WDR17: variants seen among roughly 807,000 people sequenced by gnomAD.
The protein encoded by WDR17 is WD repeat domain 17.
WDR17 carries 143 observed loss-of-function variants against 161.7 expected under a neutral mutation model. The ratio of observed to expected loss-of-function variants is 0.88; its 90% CI spans 0.77 to 1.02. The LOEUF (loss-of-function observed/expected upper bound fraction) is 1.02. WDR17 is among the 50% of genes least tolerant of loss of function. The pLI, the probability that WDR17 is intolerant of heterozygous loss-of-function variation, is 0.00. For missense variants in WDR17, 1,469 were observed against 1,520.9 expected, an observed-to-expected ratio of 0.97 and a Z score of 0.57; for synonymous variants, 517 against 515.6, an observed-to-expected ratio of 1.00 and a Z score of -0.04.
intron 23 of WDR17, 37 bp downstream of exon 23, chr4:176,168,820 C>G (rs200683867): frequency 6.3e-7 from 1 of 1,591,984 alleles, no homozygotes; most frequent in Admixed American, 1.7e-5. Flanking sequence ...GTTTGGAATG[C>G]AGTGCTATGA....
At chr4:176,071,493 T>C (rs1733242369) in intron 1 of WDR17, among the ~76,000 whole-genome samples, 2 of 152,140 alleles carry the variant, frequency 1.3e-5, no homozygotes, top group African/African-American at 4.8e-5. Flanking sequence ...CAGCTAACTT[T>C]TTTATTTTTA....
At chr4:176,084,301 T>C (rs1336530677) in intron 1 of WDR17, among the ~76,000 whole-genome samples, 1 of 152,128 alleles carries the variant, frequency 6.6e-6, no homozygotes, top group East Asian at 1.9e-4. Context: ...GAAGGGGAAC[T>C]GGTGTGTGCA....
Position 176,114,717 on chromosome 4 carries a change from G to A in WDR17, c.124-1079G>A, listed in dbSNP as rs139700025. ...TGCTCTACAGAGGCTGAAAAAACAGGTATAATAAGATAGAGTCATGGGATA... is the reference window on the plus strand; with the variant it reads ...TGCTCTACAGAGGCTGAAAAAACAGATATAATAAGATAGAGTCATGGGATA... On this transcript the variant is annotated intron_variant, in intron 2 of 28. Transcript: ENST00000508596. Among the ~76,000 whole-genome samples, 3 of 151,712 alleles carry A rather than the reference G, an allele frequency of 2.0e-5. No homozygotes were observed. The South Asian group carries it at 6.2e-4, about 31-fold the overall frequency.
chr4:176,082,589 A>G (rs1004249632), intron 1 of WDR17, among the ~76,000 whole-genome samples: 1 of 152,044 alleles, frequency 6.6e-6, no homozygotes, highest in Non-Finnish European at 1.5e-5. Flanking sequence ...GATCCAAGAT[A>G]TTTGCTAATG....
At chr4:176,162,821 TA>T (rs1749230519) in intron 21 of WDR17, among the ~76,000 whole-genome samples, 1 of 152,158 alleles carries the variant, frequency 6.6e-6, no homozygotes, top group African/African-American at 2.4e-5. Context: ...AAGAAGCTCT[TA>T]AAAATTTACA....
intron 1 of WDR17, among the ~76,000 whole-genome samples, chr4:176,086,884 T>C (rs1579010330): frequency 6.6e-6 from 1 of 151,962 alleles, no homozygotes; most frequent in Non-Finnish European, 1.5e-5. Context: ...AACTTGCTGA[T>C]AGTATGTTTA....
chr4:176,094,574 A>T (rs147691968), intron 1 of WDR17, among the ~76,000 whole-genome samples: 1 of 152,242 alleles, frequency 6.6e-6, no homozygotes, highest in Non-Finnish European at 1.5e-5. Flanking sequence ...CCTTGAAAAC[A>T]TAGAAGGACA....
At chr4:176,133,806 C>A (rs1428561619) in intron 7 of WDR17, among the ~76,000 whole-genome samples, 2 of 151,402 alleles carry the variant, frequency 1.3e-5, no homozygotes, top group Non-Finnish European at 3.0e-5. Context: ...AATAAACATT[C>A]TAAAAGGTGT....
At chr4:176,173,454 A>G (rs1294498253) in intron 25 of WDR17, 85 bp downstream of exon 25, 2 of 813,840 alleles carry the variant, frequency 2.5e-6, no homozygotes, top group Non-Finnish European at 4.0e-6. Flanking sequence ...TCAGATCGGG[A>G]AATAGGATTA....
intron 1 of WDR17, among the ~76,000 whole-genome samples, chr4:176,066,446 G>C (rs1317722733): frequency 6.6e-6 from 1 of 152,142 alleles, no homozygotes; most frequent in Non-Finnish European, 1.5e-5. Flanking sequence ...CTTCTGTATA[G>C]ATCATTTACC....
chr4:176,155,545 G>GTTTTTTTTTTTTTTTTTTTTTTTT (rs869207103), intron 17 of WDR17, among the ~76,000 whole-genome samples: 1 of 105,246 alleles, frequency 9.5e-6, no homozygotes, highest in Non-Finnish European at 1.9e-5. Context: ...ATTTGTTTGT[G>GTTTTTTTTTTTTTTTTTTTTTTTT]TTTTTTTTTT....
intron 3 of WDR17, among the ~76,000 whole-genome samples, chr4:176,119,264 G>A (rs1741159980): frequency 6.6e-6 from 1 of 152,176 alleles, no homozygotes; most frequent in South Asian, 2.1e-4. Context: ...TAAGTGGTCA[G>A]CTATTTTTAT....
In WDR17 at chr4:176,180,893, G is replaced by C. The variant is rs1299624607; in HGVS notation, c.*1314G>C. 1.3e-5 allele frequency: 2 copies of C among 152,142 alleles called. No homozygotes were observed. Among genetic ancestry groups the C allele is most frequent in the East Asian group, 3.8e-4 (2 of 5,200 alleles). The allele number at this position is 152,142 out of a possible 1,614,324, so 9.4% of individuals were successfully genotyped here. On this transcript the variant is annotated 3_prime_UTR_variant, in exon 29 of 29. Coordinates refer to ENST00000508596, the MANE Select transcript of WDR17 (RefSeq NM_181265.4). ...GACTACAGATATTTCAGTTGGACTAGAATTCTGACTTTGAAACTTATTAAA... is the reference window on the plus strand; with the variant it reads ...GACTACAGATATTTCAGTTGGACTACAATTCTGACTTTGAAACTTATTAAA...
chr4:176,073,475 G>A (rs1349762433), intron 1 of WDR17, among the ~76,000 whole-genome samples: 1 of 151,504 alleles, frequency 6.6e-6, no homozygotes, highest in South Asian at 2.1e-4. Context: ...TGGTGTATAT[G>A]TGCCACATTT....
At chr4:176,071,325 T>A (rs1733206875) in intron 1 of WDR17, among the ~76,000 whole-genome samples, 1 of 106,324 alleles carries the variant, frequency 9.4e-6, no homozygotes, top group African/African-American at 2.8e-5. Context: ...TCTTTTTTCT[T>A]TTCTCTTTTT....
chr4:176,115,548 CA>C (rs1436140353), intron 2 of WDR17, among the ~76,000 whole-genome samples: 1 of 151,462 alleles, frequency 6.6e-6, no homozygotes, highest in Non-Finnish European at 1.5e-5. Flanking sequence ...AAATGTGAAA[CA>C]TTTATTTTTA....
chr4:176,126,566 A>G (rs972429659), intron 5 of WDR17, among the ~76,000 whole-genome samples: 2 of 152,172 alleles, frequency 1.3e-5, no homozygotes, highest in Admixed American at 6.5e-5. Context: ...ATGTTAGGGG[A>G]AAAAAATTCC....
chr4:176,115,133 A>G (rs1579087251), intron 2 of WDR17, among the ~76,000 whole-genome samples: 1 of 152,078 alleles, frequency 6.6e-6, no homozygotes, highest in Non-Finnish European at 1.5e-5. Flanking sequence ...AAGGCTCATT[A>G]TATGCTAAAG....
intron 15 of WDR17, 122 bp downstream of exon 15, chr4:176,150,295 C>G (rs1363754863): frequency 6.8e-7 from 1 of 1,476,914 alleles, no homozygotes; most frequent in East Asian, 2.3e-5. Context: ...TTACCATAAT[C>G]TGTGCACTAT....
Sources: gnomAD v4.1 joint callset for allele counts (sites outside exome capture counted in the v4.1 genomes callset) on GRCh38, gnomAD v4.1.1 for gene constraint, MANE v1.5 for transcripts, NCBI Gene and HGNC (gene_info 2026-07-23, HGNC 2026-07-21) for gene names.